VAMP5: variants seen among roughly 807,000 people sequenced by gnomAD.
VAMP5 encodes vesicle-associated membrane protein 5.
VAMP5 carries 10 observed loss-of-function variants against 8.1 expected under a neutral mutation model. That is an observed-to-expected ratio of 1.23 (90% CI 0.76 to 2.09). The LOEUF is 2.09. Ranked by LOEUF, VAMP5 falls within the 30% of genes most tolerant of loss-of-function variation. The pLI is 0.00. For missense variants in VAMP5, 135 were observed against 152.5 expected, an observed-to-expected ratio of 0.89 and a Z score of 0.60; for synonymous variants, 62 against 60.6, an observed-to-expected ratio of 1.02 and a Z score of -0.11.
At position 85,591,467 on chromosome 2, in the gene VAMP5, G is replaced by A. The variant is rs1192392822; in HGVS notation, c.4-258G>A. 2.2e-5 allele frequency: 10 copies of A among 462,512 alleles called. No individual in the cohort carries two copies. The South Asian group carries it at 2.3e-4, about 11-fold the overall frequency. The allele number at this position is 462,512 out of a possible 1,614,324, so 28.7% of individuals were successfully genotyped here. On this transcript the variant is annotated intron_variant, in intron 1 of 2. Coordinates refer to ENST00000306384, the MANE Select transcript of VAMP5 (RefSeq NM_006634.3). ...TTGGGACAGCTTAGAGGAAGCTGAGGTGCTGGAAGCCGGGACTTACCTAGG... is the reference window on the plus strand; with the variant it reads ...TTGGGACAGCTTAGAGGAAGCTGAGATGCTGGAAGCCGGGACTTACCTAGG...
chr2:85,593,111 C>A lies in VAMP5; in HGVS notation c.305C>A (p.Ala102Asp). ...CCTCAGAGCAGTGACAGCAGTAGTG[C>A]CCCACGGACCCAGGATGCAGGCATT... ...FLPQSSDSSSAPRTQDAGIAS... is the reference protein window; with the variant it reads ...FLPQSSDSSSDPRTQDAGIAS... Residue 102 changes from alanine to aspartate, a missense_variant, in exon 3 of 3, where the codon GCC becomes GAC. Transcript: ENST00000306384. 2 of 1,614,220 alleles carry A rather than the reference C, an allele frequency of 1.2e-6. No homozygotes were observed. Among genetic ancestry groups the A allele is most frequent in the Non-Finnish European group, 1.7e-6 (2 of 1,180,044 alleles).
At chr2:85,588,189 C>T (rs917026490) in intron 1 of VAMP5, among the ~76,000 whole-genome samples, 2 of 152,112 alleles carry the variant, frequency 1.3e-5, no homozygotes, top group Admixed American at 6.5e-5. Flanking sequence ...CATGATCTGC[C>T]CACCTTGGCC....
intron 1 of VAMP5, among the ~76,000 whole-genome samples, chr2:85,585,768 C>T (rs1218816043): frequency 6.6e-6 from 1 of 152,202 alleles, no homozygotes; most frequent in Non-Finnish European, 1.5e-5. Context: ...CCATCCATCT[C>T]CTAGCCTCTT....
intron 1 of VAMP5, among the ~76,000 whole-genome samples, chr2:85,588,977 G>T (rs1041916244): frequency 1.3e-5 from 2 of 152,086 alleles, no homozygotes; most frequent in Non-Finnish European, 2.9e-5. Context: ...AGGGCAAAGT[G>T]GTCTCTTTAA....
At chr2:85,585,973 T>G in intron 1 of VAMP5, among the ~76,000 whole-genome samples, 1 of 152,194 alleles carries the variant, frequency 6.6e-6, no homozygotes, top group East Asian at 1.9e-4. Flanking sequence ...AAAGCAGTGA[T>G]GGGAAAGATG....
At chr2:85,588,201 C>T (rs1223332672) in intron 1 of VAMP5, among the ~76,000 whole-genome samples, 2 of 152,038 alleles carry the variant, frequency 1.3e-5, no homozygotes, top group African/African-American at 4.8e-5. Context: ...ACCTTGGCCT[C>T]CCAAAGTCCA....
At position 85,593,299 on chromosome 2, in the gene VAMP5, C is replaced by A; in HGVS notation, c.*142C>A. On this transcript the variant is annotated 3_prime_UTR_variant, in exon 3 of 3. Transcript: ENST00000306384. ...ACATGTGCACCCCTGCATTTCCTGT[C>A]ATGCCACAGACTGGCCCTTGAGGGC... is the stretch of plus-strand genomic sequence containing the variant. 3.3e-6 allele frequency: 3 copies of A among 905,558 alleles called. No individual in the cohort carries two copies. Among genetic ancestry groups the A allele is most frequent in the Non-Finnish European group, 5.1e-6 (3 of 587,320 alleles). The allele number at this position is 905,558 out of a possible 1,614,324, so 56.1% of individuals were successfully genotyped here. A position where few individuals can be genotyped will look rare whatever the true frequency, so the allele number is the denominator to read the frequency against.
intron 1 of VAMP5, among the ~76,000 whole-genome samples, chr2:85,587,241 C>G (rs1322345228): frequency 2.0e-5 from 3 of 151,010 alleles, no homozygotes; most frequent in African/African-American, 7.4e-5. Context: ...AGAGGTTTTA[C>G]TGACCACCTG....
rs185179051 is a variant in VAMP5, at chr2:85,587,763, A to G, written c.3+3270A>G. On this transcript the variant is annotated intron_variant, in intron 1 of 2. Transcript: ENST00000306384. ...AGGAAGTGGAGGTCAGAAAGGTCAT[A>G]TCCTCAGTCTCAGTCACTCAGCTGG... 2.3e-4 allele frequency among the ~76,000 whole-genome samples: 35 copies of G among 152,290 alleles called. No individual in the cohort carries two copies. The East Asian group carries it at 6.4e-3, about 28-fold the overall frequency.
In VAMP5 at chr2:85,592,933, T is replaced by C; in HGVS notation, c.142-15T>C. 1 of 1,613,094 alleles carries C rather than the reference T, an allele frequency of 6.2e-7. No individual in the cohort carries two copies. The highest frequency in any genetic ancestry group is 8.5e-7 in the Non-Finnish European group (1 of 1,179,964). The stretch of plus-strand genomic sequence containing the variant: ...TGCCAGCTAACTCCCACTTTGTGTC[T>C]GGGGGTATCCGCAGAGCTCAACCTT... On this transcript the variant is annotated splice_polypyrimidine_tract_variant and intron_variant, in intron 2 of 2. Coordinates refer to ENST00000306384, the MANE Select transcript of VAMP5 (RefSeq NM_006634.3).
chr2:85,593,100 C>G lies in VAMP5; in HGVS notation c.294C>G (p.Asp98Glu). The G allele has an allele frequency of 6.2e-7, 1 of 1,614,238 alleles. No homozygotes were observed. The highest frequency in any genetic ancestry group is 1.1e-5 in the South Asian group (1 of 91,082). The change falls in exon 3 of 3, where the codon GAC becomes GAG. Residue 98 changes from aspartate (D) to glutamate (E), a missense_variant. Asp to Glu is a conservative substitution (Grantham distance 45). Transcript: ENST00000306384. ...LLVVFLPQSS[D>E]SSSAPRTQDA... ...TCGTCTTTCTCCCTCAGAGCAGTGACAGCAGTAGTGCCCCACGGACCCAGG... is the reference window on the plus strand; with the variant it reads ...TCGTCTTTCTCCCTCAGAGCAGTGAGAGCAGTAGTGCCCCACGGACCCAGG...
At chr2:85,590,829 G>A (rs753465652) in intron 1 of VAMP5, among the ~76,000 whole-genome samples, 44 of 152,162 alleles carry the variant, frequency 2.9e-4, no homozygotes, top group Admixed American at 4.6e-4. Flanking sequence ...GTCTCTCTCT[G>A]TTACGTGCAC....
chr2:85,584,724 C>T (rs1672439610), intron 1 of VAMP5, among the ~76,000 whole-genome samples: 1 of 152,260 alleles, frequency 6.6e-6, no homozygotes, highest in Non-Finnish European at 1.5e-5. Flanking sequence ...GCAGAGCGAG[C>T]GGGACTCGGG....
intron 1 of VAMP5, among the ~76,000 whole-genome samples, chr2:85,585,834 C>G (rs935013096): frequency 1.3e-5 from 2 of 152,206 alleles, no homozygotes; most frequent in African/African-American, 4.8e-5. Context: ...CCACCCATCC[C>G]CTTTCCCTCC....
At chr2:85,585,274 C>T (rs1672446847) in intron 1 of VAMP5, among the ~76,000 whole-genome samples, 1 of 152,246 alleles carries the variant, frequency 6.6e-6, no homozygotes, top group Admixed American at 6.5e-5. Flanking sequence ...ATCTCCAAGG[C>T]AAAGATGTCA....
chr2:85,587,756 A>C (rs926116357), intron 1 of VAMP5, among the ~76,000 whole-genome samples: 1 of 152,204 alleles, frequency 6.6e-6, no homozygotes, highest in African/African-American at 2.4e-5. Flanking sequence ...GAGGTCAGAA[A>C]GGTCATATCC....
chr2:85,588,506 G>A (rs1314324954), intron 1 of VAMP5, among the ~76,000 whole-genome samples: 2 of 151,790 alleles, frequency 1.3e-5, no homozygotes, highest in Admixed American at 6.6e-5. Context: ...CTTTCTCCAC[G>A]CTCTGCTTGT....
intron 1 of VAMP5, among the ~76,000 whole-genome samples, chr2:85,585,119 G>C (rs1672445770): frequency 1.3e-5 from 2 of 152,234 alleles, no homozygotes; most frequent in Admixed American, 1.3e-4. Context: ...GAAAGAGAAA[G>C]GGAGATGTTT....
chr2:85,584,452 G>T lies in VAMP5; in HGVS notation c.-39G>T. Reference sequence around the variant, plus strand: ...TGGCACTGCGGCCGCTCCGCAGGCAGAGAAGCCGGGAGCGGGCGAGGCGGC... The same window carrying T: ...TGGCACTGCGGCCGCTCCGCAGGCATAGAAGCCGGGAGCGGGCGAGGCGGC... On this transcript the variant is annotated 5_prime_UTR_variant, in exon 1 of 3. Coordinates refer to ENST00000306384, the MANE Select transcript of VAMP5 (RefSeq NM_006634.3). The T allele has an allele frequency of 8.0e-7, 1 of 1,243,988 alleles. No homozygotes were observed. The highest frequency in any genetic ancestry group is 1.0e-6 in the Non-Finnish European group (1 of 994,660). The allele number at this position is 1,243,988 out of a possible 1,614,324, so 77.1% of individuals were successfully genotyped here.
Sources: gnomAD v4.1 joint callset for allele counts (sites outside exome capture counted in the v4.1 genomes callset) on GRCh38, gnomAD v4.1.1 for gene constraint, MANE v1.5 for transcripts, NCBI Gene and HGNC (gene_info 2026-07-23, HGNC 2026-07-21) for gene names.